ZSWIM6: variants seen among roughly 807,000 people sequenced by gnomAD.
ZSWIM6 encodes the protein zinc finger SWIM-type containing 6, also known as zinc finger SWIM domain-containing protein 6.
In ZSWIM6, 9 loss-of-function variants were observed where a neutral mutation model predicts 113.2. That is an observed-to-expected ratio of 0.08 (90% CI 0.05 to 0.14). The LOEUF (loss-of-function observed/expected upper bound fraction) is 0.14, where lower values mean the gene tolerates loss of function less well. Ranked by LOEUF, ZSWIM6 falls within the 10% of genes least tolerant of loss-of-function variation. The pLI is 1.00. For missense variants in ZSWIM6, 1,162 were observed against 1,552.2 expected (o/e 0.75, Z 4.22); for synonymous variants, 611 against 606.5 (o/e 1.01, Z -0.11).
chr5:61,398,196 G>A (rs190491950), intron 1 of ZSWIM6, among the ~76,000 whole-genome samples: 1 of 152,162 alleles, frequency 6.6e-6, no homozygotes, highest in Non-Finnish European at 1.5e-5. Context: ...GGGCCACACA[G>A]CAGGAGGTGA....
chr5:61,546,053 A>G lies in ZSWIM6; in HGVS notation c.*1736A>G, dbSNP rs1749880350. Reference sequence around the variant, plus strand: ...CCATGTAAACATGCTCATGAAGTTGAAAGTAATTAAGATTTGATACACTGA... The same window carrying G: ...CCATGTAAACATGCTCATGAAGTTGGAAGTAATTAAGATTTGATACACTGA... On this transcript the variant is annotated 3_prime_UTR_variant, in exon 14 of 14. Transcript: ENST00000252744. 1 of 152,240 alleles carries G rather than the reference A, an allele frequency of 6.6e-6. No individual in the cohort carries two copies. The highest frequency in any genetic ancestry group is 2.4e-5 in the African/African-American group (1 of 41,472). The allele number at this position is 152,240 out of a possible 1,614,324, so 9.4% of individuals were successfully genotyped here.
At chr5:61,445,061 C>T (rs1408637010) in intron 1 of ZSWIM6, among the ~76,000 whole-genome samples, 1 of 152,200 alleles carries the variant, frequency 6.6e-6, no homozygotes, top group Admixed American at 6.5e-5. Context: ...CTAGTAGTTG[C>T]TGCCTGCAGC....
At chr5:61,372,283 C>T (rs1745283294) in intron 1 of ZSWIM6, among the ~76,000 whole-genome samples, 1 of 151,290 alleles carries the variant, frequency 6.6e-6, no homozygotes, top group Non-Finnish European at 1.5e-5. Context: ...ACCCTCTGCC[C>T]TATTTTTTTT....
At chr5:61,440,355 T>C (rs1746799288) in intron 1 of ZSWIM6, among the ~76,000 whole-genome samples, 1 of 112,648 alleles carries the variant, frequency 8.9e-6, no homozygotes. Context: ...TGCTATTCAT[T>C]GGTGTAAAAA....
At chr5:61,371,212 G>A (rs1004796810) in intron 1 of ZSWIM6, among the ~76,000 whole-genome samples, 3 of 152,058 alleles carry the variant, frequency 2.0e-5, no homozygotes, top group Non-Finnish European at 2.9e-5. Flanking sequence ...ATTTCTTCAA[G>A]TTTAGAAAGT....
intron 2 of ZSWIM6, among the ~76,000 whole-genome samples, chr5:61,478,045 G>A (rs1747751645): frequency 6.6e-6 from 1 of 152,132 alleles, no homozygotes; most frequent in African/African-American, 2.4e-5. Flanking sequence ...AATTGGGCTT[G>A]CCTTAGCAAC....
chr5:61,534,884 A>G (rs536305620), intron 9 of ZSWIM6, among the ~76,000 whole-genome samples: 1 of 152,306 alleles, frequency 6.6e-6, no homozygotes, highest in Admixed American at 6.5e-5. Context: ...TATGATGCGT[A>G]TGAAATGGGT....
intron 4 of ZSWIM6, among the ~76,000 whole-genome samples, chr5:61,515,789 G>A (rs1440133344): frequency 6.6e-6 from 1 of 152,116 alleles, no homozygotes; most frequent in African/African-American, 2.4e-5. Context: ...GGATTTGTCT[G>A]TTTCTCCTTT....
intron 1 of ZSWIM6, chr5:61,347,555 C>G (rs767622853): frequency 6.4e-6 from 1 of 157,160 alleles, no homozygotes; most frequent in Non-Finnish European, 1.4e-5. Context: ...AGACCTACCT[C>G]TGGTGCATAG....
At position 61,451,243 on chromosome 5, in the gene ZSWIM6, G is replaced by A. The variant is rs543016686; in HGVS notation, c.677-21438G>A. On this transcript the variant is annotated intron_variant, in intron 1 of 13. Coordinates refer to ENST00000252744, the MANE Select transcript of ZSWIM6 (RefSeq NM_020928.2). ...CATCATGGCAGGAATGTTTTAGTTA[G>A]CTTCAGGAAGTCAGGATACCAATGT... 5.9e-5 allele frequency among the ~76,000 whole-genome samples: 9 copies of A among 152,256 alleles called. No individual in the cohort carries two copies. The South Asian group carries it at 1.9e-3, about 32-fold the overall frequency.
chr5:61,374,996 G>A, intron 1 of ZSWIM6: 2 of 1,000,880 alleles, frequency 2.0e-6, no homozygotes, highest in East Asian at 2.6e-5. Context: ...ACAATAATAG[G>A]AACACTATGA....
chr5:61,526,192 C>A (rs754349666), intron 6 of ZSWIM6, 58 bp from the exon 7 acceptor site: 42 of 1,496,158 alleles, frequency 2.8e-5, no homozygotes, highest in Non-Finnish European at 3.7e-5. Flanking sequence ...CTATTAAATT[C>A]TTTTTTTATG....
At chr5:61,528,591 C>CT (rs577009372) in intron 7 of ZSWIM6, among the ~76,000 whole-genome samples, 5,641 of 143,666 alleles carry the variant, frequency 0.039, 194 homozygotes, top group South Asian at 0.19. Context: ...CGTTTTTCCT[C>CT]TTTTTTTTTT....
At chr5:61,370,592 T>C (rs954344164) in intron 1 of ZSWIM6, among the ~76,000 whole-genome samples, 2 of 152,254 alleles carry the variant, frequency 1.3e-5, no homozygotes, top group African/African-American at 2.4e-5. Context: ...TTTCATTTTA[T>C]GCATGAGGCT....
intron 1 of ZSWIM6, among the ~76,000 whole-genome samples, chr5:61,442,409 G>A (rs577231162): frequency 4.9e-4 from 75 of 152,262 alleles, no homozygotes; most frequent in African/African-American, 1.6e-3. Flanking sequence ...TCATGCTTAG[G>A]AGGGGTGTTT....
At chr5:61,410,297 T>G (rs1361757409) in intron 1 of ZSWIM6, among the ~76,000 whole-genome samples, 2 of 151,076 alleles carry the variant, frequency 1.3e-5, no homozygotes. Flanking sequence ...ATTGTAATAA[T>G]GGATGTATTT....
intron 1 of ZSWIM6, among the ~76,000 whole-genome samples, chr5:61,352,602 G>T (rs1275259825): frequency 6.6e-6 from 1 of 152,100 alleles, no homozygotes; most frequent in Non-Finnish European, 1.5e-5. Context: ...GGCTACTTTG[G>T]GCCACTCCCA....
In ZSWIM6 at chr5:61,505,728, C is replaced by CCTCTCT. The variant is rs201304487; in HGVS notation, c.1333+11335_1333+11340dup. On this transcript the variant is annotated intron_variant, in intron 4 of 13. Coordinates refer to ENST00000252744, the MANE Select transcript of ZSWIM6 (RefSeq NM_020928.2). ...CCTCCCTTCCTTCCTTCCTTCCTTC[C>CCTCTCT]CTCTCTCTCTCTCTCTCTCTCTTTC... Among the ~76,000 whole-genome samples, 2 of 123,892 alleles carry CCTCTCT rather than the reference C, an allele frequency of 1.6e-5. 1 individual carries two copies. The highest frequency in any genetic ancestry group is 6.7e-5 in the African/African-American group (2 of 30,052). The allele number at this position is 123,892 out of a possible 152,430, so 81.3% of individuals were successfully genotyped here.
At chr5:61,531,987 C>T (rs771518020) in intron 9 of ZSWIM6, among the ~76,000 whole-genome samples, 1 of 152,154 alleles carries the variant, frequency 6.6e-6, no homozygotes, top group African/African-American at 2.4e-5. Context: ...TGCCTCAAAC[C>T]TTGAAAAGAA....
Sources: allele counts gnomAD v4.1 joint callset (sites outside exome capture counted in the v4.1 genomes callset), GRCh38; gene constraint gnomAD v4.1.1; transcripts MANE v1.5; gene names NCBI Gene and HGNC (gene_info 2026-07-23, HGNC 2026-07-21).